ZNF641: variants seen among roughly 807,000 people sequenced by gnomAD.
ZNF641 encodes the protein zinc finger protein 641.
ZNF641 carries 26 observed loss-of-function variants against 46.2 expected under a neutral mutation model. That is an observed-to-expected ratio of 0.56 (90% CI 0.41 to 0.78). The LOEUF (loss-of-function observed/expected upper bound fraction) is 0.78, where lower values mean the gene tolerates loss of function less well. Among genes scored for constraint, ZNF641 ranks in the 30% least tolerant of loss-of-function variants. The probability of loss-of-function intolerance (pLI) is 0.00; values close to 1 mark genes in which losing one functional copy is unlikely to be tolerated. For missense variants in ZNF641, 469 were observed against 517.8 expected, an observed-to-expected ratio of 0.91 and a Z score of 0.91; for synonymous variants, 163 against 187.9, an observed-to-expected ratio of 0.87 and a Z score of 1.09.
Position 48,338,331 on chromosome 12 carries a change from A to G in ZNF641, c.*4642T>C, listed in dbSNP as rs1439538274. ...AAGCAAAACTCAAACAAACAAAAAA[A>G]TCTGAAAAAGAGTATGAACAAATTG... On this transcript the variant is annotated 3_prime_UTR_variant, in exon 6 of 6. Transcript: ENST00000547026. 6.6e-6 allele frequency: 1 copy of G among 152,274 alleles called. No homozygotes were observed. Among genetic ancestry groups the G allele is most frequent in the East Asian group, 1.9e-4 (1 of 5,202 alleles). The allele number at this position is 152,274 out of a possible 1,614,324, so 9.4% of individuals were successfully genotyped here. A position where few individuals can be genotyped will look rare whatever the true frequency, so the allele number is the denominator to read the frequency against.
rs1180564623 is a variant in ZNF641 at position 48,350,890 on chromosome 12, G to C, written c.-130C>G. On this transcript the variant is annotated 5_prime_UTR_variant, in exon 1 of 6. Coordinates refer to ENST00000547026, the MANE Select transcript of ZNF641 (RefSeq NM_001172681.2). ...TGGGAGCCGGCGGCCGGCGGAGCCA[G>C]CGACAGGCGGAGACGGCGGCCCGGC... 8 of 984,586 alleles carry C rather than the reference G, an allele frequency of 8.1e-6. No individual in the cohort carries two copies. Among genetic ancestry groups the C allele is most frequent in the Non-Finnish European group, 9.6e-6 (8 of 829,442 alleles). 61.0% of individuals were successfully genotyped at this position (984,586 alleles called of 1,614,324 possible). A position where few individuals can be genotyped will look rare whatever the true frequency, so the allele number is the denominator to read the frequency against.
rs1218403206 is a variant in ZNF641 at position 48,337,875 on chromosome 12, TGGAA to T, written c.*5094_*5097del. On this transcript the variant is annotated 3_prime_UTR_variant, in exon 6 of 6. Transcript: ENST00000547026. ...TTGATTCTCAGGAGTCACAGGAGACTGGAAGGAAGTAAATTAAAAATGGTGAAAA... is the reference window on the plus strand; with the variant it reads ...TTGATTCTCAGGAGTCACAGGAGACTGGAAGTAAATTAAAAATGGTGAAAA... 6.7e-6 allele frequency: 1 copy of T among 149,722 alleles called. No individual in the cohort carries two copies. The highest frequency in any genetic ancestry group is 2.5e-5 in the African/African-American group (1 of 40,786). 9.3% of individuals were successfully genotyped at this position (149,722 alleles called of 1,614,324 possible).
chr12:48,343,378 T>G lies in ZNF641; in HGVS notation c.870A>C (p.Arg290Ser). The G allele has an allele frequency of 6.2e-7, 1 of 1,614,180 alleles. No homozygotes were observed. Among genetic ancestry groups the G allele is most frequent in the Non-Finnish European group, 8.5e-7 (1 of 1,180,034 alleles). ...TTTTCTGGTGCCTGATGAGGTGATGTCTTCGCCCAAAGGTCTTCTCACACT... is the reference window on the plus strand; with the variant it reads ...TTTTCTGGTGCCTGATGAGGTGATGGCTTCGCCCAAAGGTCTTCTCACACT... ...CLKCEKTFGRRHHLIRHQKTH... is the reference protein window; with the variant it reads ...CLKCEKTFGRSHHLIRHQKTH... The change falls in exon 6 of 6, where the codon AGA becomes AGC. Residue 290 changes from arginine (R) to serine (S), a missense_variant. Around this residue, in one of 3 missense-constraint regions of ZNF641, gnomAD observed 346 missense variants for 354.0 expected, o/e 0.98. Coordinates refer to ENST00000547026, the MANE Select transcript of ZNF641 (RefSeq NM_001172681.2).
chr12:48,340,604 A>G lies in ZNF641; in HGVS notation c.*2369T>C. The G allele has an allele frequency of 1.0e-6, 1 of 985,420 alleles. No homozygotes were observed. Among genetic ancestry groups the G allele is most frequent in the Non-Finnish European group, 1.2e-6 (1 of 829,924 alleles). 61.0% of individuals were successfully genotyped at this position (985,420 alleles called of 1,614,324 possible). A position where few individuals can be genotyped will look rare whatever the true frequency, so the allele number is the denominator to read the frequency against. On this transcript the variant is annotated 3_prime_UTR_variant, in exon 6 of 6. Transcript: ENST00000547026. ...TTCTTGACACAAATATATAATGACC[A>G]TTTTAGATCGGGGAACTCCCTTTCT...
chr12:48,334,627 G>C (rs1592135595), downstream of ZNF641, among the ~76,000 whole-genome samples: 1 of 152,166 alleles, frequency 6.6e-6, no homozygotes, highest in African/African-American at 2.4e-5. Flanking sequence ...ACGTGAATGC[G>C]AGTGGAAGAA....
rs1035583370 is a variant in ZNF641 at position 48,341,398 on chromosome 12, CAA to C, written c.*1573_*1574del. The stretch of plus-strand genomic sequence containing the variant: ...TAACACAATTATTGATAAAGAGAAA[CAA>C]TGACCAACTCATTAGCTAACGATGC... On this transcript the variant is annotated 3_prime_UTR_variant, in exon 6 of 6. Coordinates refer to ENST00000547026, the MANE Select transcript of ZNF641 (RefSeq NM_001172681.2). 1.0e-6 allele frequency: 1 copy of C among 985,288 alleles called. No homozygotes were observed. Among genetic ancestry groups the C allele is most frequent in the African/African-American group, 1.7e-5 (1 of 57,226 alleles). The allele number at this position is 985,288 out of a possible 1,614,324, so 61.0% of individuals were successfully genotyped here. A position where few individuals can be genotyped will look rare whatever the true frequency, so the allele number is the denominator to read the frequency against.
chr12:48,342,157 G>T lies in ZNF641; in HGVS notation c.*816C>A. ...TTTCTGTGTGGGCCAGGGCTATTTG[G>T]GGGTATTAGATCATCTCTTAGCCTT... On this transcript the variant is annotated 3_prime_UTR_variant, in exon 6 of 6. Coordinates refer to ENST00000547026, the MANE Select transcript of ZNF641 (RefSeq NM_001172681.2). The T allele has an allele frequency of 1.0e-6, 1 of 985,448 alleles. No homozygotes were observed. Among genetic ancestry groups the T allele is most frequent in the Non-Finnish European group, 1.2e-6 (1 of 829,992 alleles). 61.0% of individuals were successfully genotyped at this position (985,448 alleles called of 1,614,324 possible).
chr12:48,345,293 C>A, intron 4 of ZNF641, 52 bp downstream of exon 4: 1 of 1,602,486 alleles, frequency 6.2e-7, no homozygotes, highest in Non-Finnish European at 8.5e-7. Flanking sequence ...AAGCAGATGG[C>A]TCCGTCCTCC....
In ZNF641 at chr12:48,340,121, C is replaced by T. The variant is rs987137788; in HGVS notation, c.*2852G>A. On this transcript the variant is annotated 3_prime_UTR_variant, in exon 6 of 6. Transcript: ENST00000547026. ...GGGAAAAATCATTCAAATCTATTCA[C>T]TCATCTGATGGCTGTTGCTTGTTTT... 1.0e-6 allele frequency: 1 copy of T among 985,452 alleles called. No homozygotes were observed. Among genetic ancestry groups the T allele is most frequent in the South Asian group, 4.7e-5 (1 of 21,290 alleles). 61.0% of individuals were successfully genotyped at this position (985,452 alleles called of 1,614,324 possible).
At chr12:48,350,263 G>A (rs1183582610) in intron 1 of ZNF641, 4 of 1,427,674 alleles carry the variant, frequency 2.8e-6, no homozygotes, top group Non-Finnish European at 3.7e-6. Flanking sequence ...AACAGAAAAG[G>A]GGCCATGTTA....
chr12:48,347,173 C>T, intron 3 of ZNF641, 79 bp downstream of exon 3: 1 of 1,608,724 alleles, frequency 6.2e-7, no homozygotes, highest in Non-Finnish European at 8.5e-7. Flanking sequence ...TGAGCCAACT[C>T]ATCAATGGGC....
chr12:48,350,969 C>G, upstream of ZNF641: 3 of 554,480 alleles, frequency 5.4e-6, no homozygotes, highest in Non-Finnish European at 6.8e-6. Context: ...TTCCGGGGCT[C>G]TGCGGCGGCG....
At chr12:48,336,148 G>A (rs1022905219), downstream of ZNF641, among the ~76,000 whole-genome samples, 6 of 152,054 alleles carry the variant, frequency 3.9e-5, no homozygotes, top group African/African-American at 1.5e-4. Flanking sequence ...TAATCAGATG[G>A]GCAAAAATCC....
In ZNF641 at chr12:48,339,223, G is replaced by C. The variant is rs917476358; in HGVS notation, c.*3750C>G. ...GGGAATGGAACTGAGGTCTAGCCTAGTGAGGCTACAGAGAATAAACCTGAC... is the reference window on the plus strand; with the variant it reads ...GGGAATGGAACTGAGGTCTAGCCTACTGAGGCTACAGAGAATAAACCTGAC... On this transcript the variant is annotated 3_prime_UTR_variant, in exon 6 of 6. Coordinates refer to ENST00000547026, the MANE Select transcript of ZNF641 (RefSeq NM_001172681.2). 2 of 152,176 alleles carry C rather than the reference G, an allele frequency of 1.3e-5. No individual in the cohort carries two copies. Among genetic ancestry groups the C allele is most frequent in the Non-Finnish European group, 2.9e-5 (2 of 68,038 alleles). The allele number at this position is 152,176 out of a possible 1,614,324, so 9.4% of individuals were successfully genotyped here.
chr12:48,350,863 T>C lies in ZNF641; in HGVS notation c.-103A>G, dbSNP rs972807988. On this transcript the variant is annotated 5_prime_UTR_variant, in exon 1 of 6. Transcript: ENST00000547026. ...CCCTCCCCTCCGCCCTCCGCTTGCGTCTGGGAGCCGGCGGCCGGCGGAGCC... is the reference window on the plus strand; with the variant it reads ...CCCTCCCCTCCGCCCTCCGCTTGCGCCTGGGAGCCGGCGGCCGGCGGAGCC... 1 of 984,774 alleles carries C rather than the reference T, an allele frequency of 1.0e-6. No homozygotes were observed. Among genetic ancestry groups the C allele is most frequent in the Non-Finnish European group, 1.2e-6 (1 of 829,684 alleles). The allele number at this position is 984,774 out of a possible 1,614,324, so 61.0% of individuals were successfully genotyped here.
rs138163564 is a variant in ZNF641, at chr12:48,343,295, T to C, written c.953A>G (p.Asn318Ser). The change falls in exon 6 of 6, where the codon AAC becomes AGC. Residue 318 changes from asparagine (N) to serine (S), a missense_variant. By Grantham distance (46) the Asn-to-Ser change is conservative. This residue lies in a region of ZNF641 where 346 missense variants were observed against 354.0 expected (regional missense o/e 0.98). Transcript: ENST00000547026. The stretch of plus-strand genomic sequence containing the variant: ...TCTCTGGTGGCTGGCCAGATGGGAG[T>C]TGCATCGGAAATTCTTACCACACTC... ...CSECGKNFRCNSHLASHQRVH... is the reference protein window; with the variant it reads ...CSECGKNFRCSSHLASHQRVH... 31 of 1,614,036 alleles carry C rather than the reference T, an allele frequency of 1.9e-5. No individual in the cohort carries two copies. In the African/African-American group the frequency reaches 3.7e-4, roughly 19 times the overall value.
chr12:48,350,164 G>GGTA (rs1952989926), intron 1 of ZNF641: 1 of 1,595,142 alleles, frequency 6.3e-7, no homozygotes, highest in African/African-American at 1.3e-5. Context: ...ACTGCAGTGT[G>GGTA]GGTTCTAGGG....
At position 48,347,947 on chromosome 12, in the gene ZNF641, G is replaced by A. The variant is rs1952926500; in HGVS notation, c.144C>T (p.Cys48=). ...RTVPGPLEHL[C]CDLEEEPQSL... ...ACTGTGGCTCCTCTTCAAGGTCACA[G>A]CACAGGTGCTCCAGAGGTCCTGGTA... The change falls in exon 2 of 6, where the codon TGC becomes TGT. Residue 48 remains cysteine (C), a synonymous_variant. Transcript: ENST00000547026. The A allele has an allele frequency of 1.9e-6, 3 of 1,614,184 alleles. No individual in the cohort carries two copies. Among genetic ancestry groups the A allele is most frequent in the Admixed American group, 1.7e-5 (1 of 60,026 alleles).
chr12:48,336,373 C>T (rs1317621394), downstream of ZNF641, among the ~76,000 whole-genome samples: 2 of 152,046 alleles, frequency 1.3e-5, no homozygotes, highest in Admixed American at 6.6e-5. Flanking sequence ...TGAGGGGAAG[C>T]GAGAGTGAAC....
Sources: allele counts gnomAD v4.1 joint callset (sites outside exome capture counted in the v4.1 genomes callset), GRCh38; gene constraint gnomAD v4.1.1; regional missense constraint gnomAD v4.1.1; transcripts MANE v1.5; gene names NCBI Gene and HGNC (gene_info 2026-07-23, HGNC 2026-07-21).